The following IL1RAPL1 variants were observed in gnomAD, a reference collection of about 807,000 sequenced individuals.
The protein encoded by IL1RAPL1 is interleukin-1 receptor accessory protein-like 1.
Under a neutral mutation model 48.4 loss-of-function variants are expected in IL1RAPL1, and 3 were observed. The ratio of observed to expected loss-of-function variants is 0.06; its 90% CI spans 0.03 to 0.16. The LOEUF is 0.16. Ranked by LOEUF, IL1RAPL1 falls within the 10% of genes least tolerant of loss-of-function variation. The pLI is 1.00. For synonymous variants in IL1RAPL1, 185 were observed against 187.7 expected (o/e 0.99, Z 0.12); for missense variants, 349 against 530.6 (o/e 0.66, Z 3.36).
At chrX:29,925,425 T>G (rs954549491) in intron 8 of IL1RAPL1, among the ~76,000 whole-genome samples, 2 of 22,675 alleles carry the variant, frequency 8.8e-5, no homozygotes, top group Non-Finnish European at 1.9e-4. Context: ...TTTTTTTTTT[T>G]TTTTTTTTTT....
chrX:28,639,520 G>A (rs187591743), intron 1 of IL1RAPL1, among the ~76,000 whole-genome samples: 497 of 111,869 alleles, frequency 4.4e-3, no homozygotes, highest in Non-Finnish European at 7.4e-3. Flanking sequence ...TGTTCCTAAA[G>A]ACGGAAAATA....
chrX:29,300,176 G>T (rs1932510568), intron 3 of IL1RAPL1, among the ~76,000 whole-genome samples: 1 of 111,276 alleles, frequency 9.0e-6, no homozygotes, highest in Admixed American at 9.6e-5. Flanking sequence ...GTTCTTTATA[G>T]CGACACAAAA....
intron 2 of IL1RAPL1, among the ~76,000 whole-genome samples, chrX:29,162,482 C>T (rs996418201): frequency 5.4e-5 from 6 of 110,177 alleles, no homozygotes; most frequent in African/African-American, 2.0e-4. Context: ...GCAATCACAC[C>T]AATCAAAATT....
chrX:29,629,182 A>G (rs926915054), intron 5 of IL1RAPL1, among the ~76,000 whole-genome samples: 2 of 111,672 alleles, frequency 1.8e-5, no homozygotes, highest in South Asian at 3.7e-4. Flanking sequence ...CAATCAAATA[A>G]CTCCCTGACA....
rs148284319 is a variant in IL1RAPL1 at position 29,080,236 on chromosome X, G to T, written c.83-202702G>T. On this transcript the variant is annotated intron_variant, in intron 2 of 10. Transcript: ENST00000378993. The stretch of plus-strand genomic sequence containing the variant: ...ACCCCATCTCTACAAAAAATTAGTT[G>T]ACCGTGGTGGTGCATGCCTGTGATC... Among the ~76,000 whole-genome samples, 957 of 109,324 alleles carry T rather than the reference G, an allele frequency of 8.8e-3. 5 individuals carry two copies. Among genetic ancestry groups the T allele is most frequent in the Non-Finnish European group, 0.013 (660 of 52,543 alleles). The allele number at this position is 109,324 out of a possible 115,157, so 94.9% of individuals were successfully genotyped here. A position where few individuals can be genotyped will look rare whatever the true frequency, so the allele number is the denominator to read the frequency against.
At chrX:29,613,002 A>G (rs145270800) in intron 5 of IL1RAPL1, among the ~76,000 whole-genome samples, 8,107 of 111,724 alleles carry the variant, frequency 0.073, 275 homozygotes, top group Middle Eastern at 0.18. Context: ...TGTTAAATTC[A>G]CCACATACTT....
chrX:29,445,242 T>C (rs1015466589), intron 5 of IL1RAPL1, among the ~76,000 whole-genome samples: 13 of 112,006 alleles, frequency 1.2e-4, no homozygotes, highest in African/African-American at 3.9e-4. Flanking sequence ...TAAAACAGAT[T>C]TCTCTATGAG....
At chrX:29,275,816 G>A (rs1228342781) in intron 2 of IL1RAPL1, among the ~76,000 whole-genome samples, 1 of 111,987 alleles carries the variant, frequency 8.9e-6, no homozygotes, top group Non-Finnish European at 1.9e-5. Flanking sequence ...CACATCATAT[G>A]CGGTCTATAA....
chrX:29,386,700 G>A (rs1014989484), intron 3 of IL1RAPL1, among the ~76,000 whole-genome samples: 27 of 105,243 alleles, frequency 2.6e-4, no homozygotes, highest in African/African-American at 4.7e-4. Flanking sequence ...ACACCACCAC[G>A]TCTGGCTAAT....
At chrX:28,760,958 C>T (rs188807655) in intron 1 of IL1RAPL1, among the ~76,000 whole-genome samples, 173 of 108,629 alleles carry the variant, frequency 1.6e-3, no homozygotes, top group African/African-American at 5.0e-3. Flanking sequence ...TGGTGGCGTG[C>T]GGTTATAGTC....
chrX:28,926,287 G>A (rs188451842), intron 2 of IL1RAPL1, among the ~76,000 whole-genome samples: 8 of 111,602 alleles, frequency 7.2e-5, no homozygotes, highest in African/African-American at 2.6e-4. Context: ...TATCTATTTT[G>A]TTAAAAGATC....
intron 2 of IL1RAPL1, among the ~76,000 whole-genome samples, chrX:29,006,848 T>G (rs1163196606): frequency 9.0e-6 from 1 of 110,697 alleles, no homozygotes; most frequent in Non-Finnish European, 1.9e-5. Flanking sequence ...ATTTATATCA[T>G]TTATATATTT....
chrX:28,976,330 G>A (rs1233102255), intron 2 of IL1RAPL1, among the ~76,000 whole-genome samples: 2 of 111,687 alleles, frequency 1.8e-5, no homozygotes, highest in Non-Finnish European at 3.8e-5. Flanking sequence ...GGTAGCAGTA[G>A]AGATAATGAC....
intron 3 of IL1RAPL1, among the ~76,000 whole-genome samples, chrX:29,394,869 G>A (rs764559338): frequency 3.6e-5 from 4 of 111,753 alleles, no homozygotes; most frequent in Non-Finnish European, 7.5e-5. Context: ...ATTCAATAAA[G>A]AACCATCTAA....
At chrX:29,335,137 C>T (rs749494934) in intron 3 of IL1RAPL1, among the ~76,000 whole-genome samples, 139 of 109,935 alleles carry the variant, frequency 1.3e-3, no homozygotes, top group African/African-American at 4.5e-3. Flanking sequence ...ACCAGTCAGG[C>T]GTGGCGTCGC....
chrX:28,643,786 A>G (rs1057345197), intron 1 of IL1RAPL1, among the ~76,000 whole-genome samples: 2 of 112,268 alleles, frequency 1.8e-5, no homozygotes, highest in African/African-American at 6.5e-5. Context: ...TTTTTCTTTT[A>G]CATCTGCCTG....
chrX:29,563,856 A>G (rs1368364735), intron 5 of IL1RAPL1, among the ~76,000 whole-genome samples: 1 of 112,267 alleles, frequency 8.9e-6, no homozygotes, highest in Non-Finnish European at 1.9e-5. Context: ...TTGGAACAAC[A>G]AAAGGAGTTT....
chrX:28,787,591 A>T (rs7053672), intron 1 of IL1RAPL1, among the ~76,000 whole-genome samples: 48,114 of 110,472 alleles, frequency 0.44, 7,694 homozygotes, highest in Middle Eastern at 0.63. Context: ...TGCTATTACA[A>T]ATTCACTGAT....
At chrX:29,335,072 G>C (rs1932965568) in intron 3 of IL1RAPL1, among the ~76,000 whole-genome samples, 1 of 111,782 alleles carries the variant, frequency 8.9e-6, no homozygotes, top group Non-Finnish European at 1.9e-5. Flanking sequence ...TTAGGAGCTG[G>C]AGACCAGCCC....
Sources: allele counts gnomAD v4.1 joint callset (sites outside exome capture counted in the v4.1 genomes callset), GRCh38; gene constraint gnomAD v4.1.1; transcripts MANE v1.5; gene names NCBI Gene and HGNC (gene_info 2026-07-23, HGNC 2026-07-21).